POFUT3: variants seen among roughly 807,000 people sequenced by gnomAD.
POFUT3 encodes the protein GDP-fucose protein O-fucosyltransferase 3.
chr8:33,442,267 A>T, the POFUT3 span, among the ~76,000 whole-genome samples: 3 of 145,670 alleles, frequency 2.1e-5, no homozygotes, highest in Non-Finnish European at 4.5e-5. Flanking sequence ...GCCAGGCCTC[A>T]TGTGTCACTT....
chr8:33,442,479 T>G, the POFUT3 span, among the ~76,000 whole-genome samples: 2 of 151,514 alleles, frequency 1.3e-5, no homozygotes, highest in Non-Finnish European at 2.9e-5. Flanking sequence ...ACAGATGGGG[T>G]TTCACCATGT....
At chr8:33,314,566 C>G in the POFUT3 span, among the ~76,000 whole-genome samples, 1 of 152,186 alleles carries the variant, frequency 6.6e-6, no homozygotes, top group Non-Finnish European at 1.5e-5. Flanking sequence ...ATTAAATGAG[C>G]TCACATGTGT....
At chr8:33,324,289 G>A in the POFUT3 span, among the ~76,000 whole-genome samples, 1 of 152,154 alleles carries the variant, frequency 6.6e-6, no homozygotes, top group Admixed American at 6.6e-5. Context: ...AGAGAACATG[G>A]ATAATGGTGA....
chr8:33,343,811 C>T, the POFUT3 span, among the ~76,000 whole-genome samples: 2 of 152,338 alleles, frequency 1.3e-5, no homozygotes, highest in East Asian at 3.9e-4. Flanking sequence ...AACTCACACA[C>T]GTCTTCTTGA....
At chr8:33,355,554 A>C in the POFUT3 span, among the ~76,000 whole-genome samples, 1 of 152,140 alleles carries the variant, frequency 6.6e-6, no homozygotes, top group African/African-American at 2.4e-5. Context: ...CCATAAACCA[A>C]CTTGGGTTTG....
the POFUT3 span, among the ~76,000 whole-genome samples, chr8:33,406,623 G>A: frequency 1.3e-5 from 2 of 151,654 alleles, no homozygotes; most frequent in African/African-American, 2.4e-5. Flanking sequence ...TTTAGAGAAG[G>A]GTGTGTCACC....
the POFUT3 span, among the ~76,000 whole-genome samples, chr8:33,323,455 A>C: frequency 6.6e-6 from 1 of 152,174 alleles, no homozygotes. Context: ...GTCTGCTTTC[A>C]ACACAGCGAT....
chr8:33,377,496 A>G, the POFUT3 span: 1 of 152,198 alleles, frequency 6.6e-6, no homozygotes, highest in Admixed American at 6.5e-5. Context: ...AACGGTTTAT[A>G]TGAGAAAGTC....
At chr8:33,463,597 T>G in the POFUT3 span, among the ~76,000 whole-genome samples, 2 of 152,070 alleles carry the variant, frequency 1.3e-5, no homozygotes, top group African/African-American at 2.4e-5. Flanking sequence ...CAGGCTGAAG[T>G]GCAGTAGTGT....
the POFUT3 span, among the ~76,000 whole-genome samples, chr8:33,351,443 G>C: frequency 3.6e-4 from 54 of 151,914 alleles, no homozygotes; most frequent in South Asian, 8.3e-4. Context: ...GGGAGTCGGC[G>C]GGGGGCAGGG....
the POFUT3 span, among the ~76,000 whole-genome samples, chr8:33,322,311 C>T: frequency 1.3e-5 from 2 of 151,998 alleles, no homozygotes; most frequent in Non-Finnish European, 2.9e-5. Flanking sequence ...AAGGGAGGGG[C>T]CCTAAGCTGC....
chr8:33,434,911 G>A, the POFUT3 span, among the ~76,000 whole-genome samples: 1 of 152,218 alleles, frequency 6.6e-6, no homozygotes, highest in African/African-American at 2.4e-5. Flanking sequence ...ACAGGTGCAG[G>A]TGCACTGGCT....
the POFUT3 span, among the ~76,000 whole-genome samples, chr8:33,363,768 G>A: frequency 4.6e-5 from 7 of 152,156 alleles, no homozygotes; most frequent in Non-Finnish European, 7.3e-5. Flanking sequence ...TGAAATTGAG[G>A]CAATAATTAA....
the POFUT3 span, among the ~76,000 whole-genome samples, chr8:33,402,081 G>A: frequency 1.5e-4 from 23 of 152,050 alleles, no homozygotes; most frequent in African/African-American, 5.6e-4. Context: ...TCTAAGTTAG[G>A]TGCATTATAT....
At chr8:33,380,004 C>CTATATATACTA in the POFUT3 span, among the ~76,000 whole-genome samples, 2 of 73,272 alleles carry the variant, frequency 2.7e-5, 1 homozygote, top group African/African-American at 1.4e-4. Context: ...TATATATATA[C>CTATATATACTA]TATATATATA....
At chr8:33,320,682 A>G in the POFUT3 span, among the ~76,000 whole-genome samples, 1 of 152,084 alleles carries the variant, frequency 6.6e-6, no homozygotes, top group African/African-American at 2.4e-5. Flanking sequence ...TATGGCTGAC[A>G]GTTGATGTCA....
the POFUT3 span, among the ~76,000 whole-genome samples, chr8:33,353,752 C>G: frequency 1.3e-5 from 2 of 152,106 alleles, no homozygotes; most frequent in East Asian, 1.9e-4. Context: ...GTGACATGCC[C>G]TCAGAAGCCA....
chr8:33,329,018 GTGAATCTA>G, the POFUT3 span, among the ~76,000 whole-genome samples: 1 of 152,170 alleles, frequency 6.6e-6, no homozygotes. Context: ...GTAATGCCTA[GTGAATCTA>G]TCGGACATCA....
the POFUT3 span, among the ~76,000 whole-genome samples, chr8:33,372,994 C>T: frequency 6.6e-6 from 1 of 152,156 alleles, no homozygotes; most frequent in Non-Finnish European, 1.5e-5. Flanking sequence ...CCCCATTTTA[C>T]AGGAGTGGAA....
Sources: gnomAD v4.1 joint callset for allele counts (sites outside exome capture counted in the v4.1 genomes callset) on GRCh38, gnomAD v4.1.1 for gene constraint, MANE v1.5 for transcripts, NCBI Gene and HGNC (gene_info 2026-07-23, HGNC 2026-07-21) for gene names.